Variants in ADARB2 observed in about 807,000 individuals in gnomAD.
ADARB2 encodes adenosine deaminase RNA specific B2 (inactive), also known as inactive double-stranded RNA-specific editase B2.
A neutral mutation model predicts 62.2 loss-of-function variants in ADARB2; 25 were observed. The observed-to-expected ratio is 0.40, with a 90% CI of 0.29 to 0.56. The LOEUF is 0.56. Ranked by LOEUF, ADARB2 falls within the 20% of genes least tolerant of loss-of-function variation. The pLI, the probability that ADARB2 is intolerant of heterozygous loss-of-function variation, is 0.43. For missense variants in ADARB2, 1,071 were observed against 1,077.4 expected (o/e 0.99, Z 0.08); for synonymous variants, 572 against 500.8 (o/e 1.14, Z -1.90).
intron 1 of ADARB2, among the ~76,000 whole-genome samples, chr10:1,435,182 T>A (rs1219903998): frequency 2.0e-5 from 3 of 151,928 alleles, no homozygotes; most frequent in Non-Finnish European, 4.4e-5. Flanking sequence ...GATGCCCAGG[T>A]TACGGGGAAG....
At chr10:1,550,948 C>T (rs183285190) in intron 1 of ADARB2, among the ~76,000 whole-genome samples, 7 of 152,170 alleles carry the variant, frequency 4.6e-5, no homozygotes, top group Non-Finnish European at 8.8e-5. Flanking sequence ...ATAAAAAGGA[C>T]GGCAGAAAAG....
At chr10:1,352,822 A>T (rs1424576439) in intron 3 of ADARB2, among the ~76,000 whole-genome samples, 1 of 151,934 alleles carries the variant, frequency 6.6e-6, no homozygotes, top group Non-Finnish European at 1.5e-5. Flanking sequence ...CAGATACCAC[A>T]CCTGACCCTC....
chr10:1,326,463 T>C (rs1455042419), intron 3 of ADARB2, among the ~76,000 whole-genome samples: 2 of 152,202 alleles, frequency 1.3e-5, no homozygotes, highest in African/African-American at 4.8e-5. Context: ...GATGACCCTG[T>C]GCTAATTCCG....
intron 1 of ADARB2, among the ~76,000 whole-genome samples, chr10:1,495,217 C>T (rs963125058): frequency 4.6e-5 from 7 of 152,178 alleles, no homozygotes; most frequent in African/African-American, 1.2e-4. Flanking sequence ...ATATTTCTTC[C>T]ATTAAAGCAC....
intron 3 of ADARB2, among the ~76,000 whole-genome samples, chr10:1,274,431 G>GAGTT (rs1831294693): frequency 6.6e-6 from 1 of 152,236 alleles, no homozygotes; most frequent in South Asian, 2.1e-4. Context: ...CTGTGCTCCA[G>GAGTT]AGTTATTCCC....
intron 7 of ADARB2, among the ~76,000 whole-genome samples, chr10:1,207,925 TGA>T (rs1041007466): frequency 1.3e-5 from 2 of 152,212 alleles, no homozygotes; most frequent in Non-Finnish European, 2.9e-5. Flanking sequence ...TGGCTGTTGG[TGA>T]GAGTCTAGCC....
chr10:1,493,414 A>G (rs1831645780), intron 1 of ADARB2, among the ~76,000 whole-genome samples: 1 of 152,110 alleles, frequency 6.6e-6, no homozygotes, highest in Non-Finnish European at 1.5e-5. Flanking sequence ...ACCATGATAG[A>G]TTCAGGTCAC....
At chr10:1,404,250 A>AGG (rs1832687931) in intron 1 of ADARB2, among the ~76,000 whole-genome samples, 3 of 121,616 alleles carry the variant, frequency 2.5e-5, no homozygotes, top group Non-Finnish European at 5.4e-5. Flanking sequence ...TGGCCATGAG[A>AGG]GCAGGACACA....
chr10:1,456,203 C>G (rs1831093732), intron 1 of ADARB2, among the ~76,000 whole-genome samples: 1 of 152,164 alleles, frequency 6.6e-6, no homozygotes, highest in African/African-American at 2.4e-5. Context: ...TAGACGTTAT[C>G]TACTAGTAAG....
intron 1 of ADARB2, among the ~76,000 whole-genome samples, chr10:1,509,183 C>T (rs910050174): frequency 3.9e-5 from 6 of 152,176 alleles, no homozygotes; most frequent in African/African-American, 1.4e-4. Context: ...GAACTGAATG[C>T]CACCTCCTGG....
chr10:1,514,028 G>A (rs998752972), intron 1 of ADARB2, among the ~76,000 whole-genome samples: 1 of 151,272 alleles, frequency 6.6e-6, no homozygotes, highest in Non-Finnish European at 1.5e-5. Context: ...TTAGAGACCA[G>A]TCTGGGCAAC....
At chr10:1,712,199 A>T (rs1038994318) in intron 1 of ADARB2, among the ~76,000 whole-genome samples, 1 of 152,242 alleles carries the variant, frequency 6.6e-6, no homozygotes, top group Non-Finnish European at 1.5e-5. Flanking sequence ...CCTCAGTGAC[A>T]ATGACTATTT....
At chr10:1,549,452 G>C (rs568353538) in intron 1 of ADARB2, among the ~76,000 whole-genome samples, 1 of 152,222 alleles carries the variant, frequency 6.6e-6, no homozygotes, top group African/African-American at 2.4e-5. Context: ...GAAGGAAGGA[G>C]GGAGACGGGA....
chr10:1,308,337 CT>C (rs1293943110), intron 3 of ADARB2, among the ~76,000 whole-genome samples: 21 of 152,154 alleles, frequency 1.4e-4, no homozygotes, highest in African/African-American at 4.8e-4. Flanking sequence ...TGTCTTCCTT[CT>C]TTGTAATGCT....
intron 1 of ADARB2, among the ~76,000 whole-genome samples, chr10:1,661,690 C>T (rs888586168): frequency 6.6e-6 from 1 of 152,202 alleles, no homozygotes; most frequent in Non-Finnish European, 1.5e-5. Context: ...ACCGAGCAGA[C>T]AGGAACCAGC....
chr10:1,277,589 C>T (rs896189858), intron 3 of ADARB2, among the ~76,000 whole-genome samples: 17 of 152,158 alleles, frequency 1.1e-4, no homozygotes, highest in African/African-American at 4.1e-4. Flanking sequence ...CAAAAACAGG[C>T]TCTGAAATTG....
intron 1 of ADARB2, among the ~76,000 whole-genome samples, chr10:1,642,923 G>C (rs2119060055): frequency 6.6e-6 from 1 of 152,320 alleles, no homozygotes; most frequent in Admixed American, 6.5e-5. Flanking sequence ...TCTAAGTCTA[G>C]GAAACCTCCA....
chr10:1,682,077 A>G (rs972643861), intron 1 of ADARB2, among the ~76,000 whole-genome samples: 1 of 152,248 alleles, frequency 6.6e-6, no homozygotes, highest in Non-Finnish European at 1.5e-5. Flanking sequence ...AGAGATATTT[A>G]AAATTGCTTT....
chr10:1,375,916 C>T (rs1832422573), intron 2 of ADARB2, among the ~76,000 whole-genome samples: 1 of 148,374 alleles, frequency 6.7e-6, no homozygotes, highest in Non-Finnish European at 1.5e-5. Context: ...ACCACACTTG[C>T]CACACATGCA....
Sources: allele counts gnomAD v4.1 joint callset (sites outside exome capture counted in the v4.1 genomes callset), GRCh38; gene constraint gnomAD v4.1.1; transcripts MANE v1.5; gene names NCBI Gene and HGNC (gene_info 2026-07-23, HGNC 2026-07-21).